The following SLC9A9 variants were observed in gnomAD, a reference collection of about 807,000 sequenced individuals.
The protein encoded by SLC9A9 is solute carrier family 9 member A9, also known as sodium/hydrogen exchanger 9.
SLC9A9 carries 62 observed loss-of-function variants against 77.8 expected under a neutral mutation model. The observed-to-expected ratio is 0.80, with a 90% CI of 0.65 to 0.98. SLC9A9 has a LOEUF of 0.98. SLC9A9 is among the 50% of genes least tolerant of loss of function. The probability of loss-of-function intolerance (pLI) is 0.00; values close to 1 mark genes in which losing one functional copy is unlikely to be tolerated. For synonymous variants in SLC9A9, 320 were observed against 283.5 expected (o/e 1.13, Z -1.29); for missense variants, 775 against 774.9 (o/e 1.00, Z 0.00).
chr3:143,304,151 C>A (rs1201538535), intron 14 of SLC9A9, among the ~76,000 whole-genome samples: 2 of 152,170 alleles, frequency 1.3e-5, no homozygotes, highest in Admixed American at 6.5e-5. Context: ...TCTCTTCCTG[C>A]CACATAACTT....
At chr3:143,658,706 T>A (rs2038933613) in intron 5 of SLC9A9, among the ~76,000 whole-genome samples, 1 of 152,146 alleles carries the variant, frequency 6.6e-6, no homozygotes, top group African/African-American at 2.4e-5. Context: ...TTGAGAATAA[T>A]CAATTGCCTT....
At chr3:143,332,806 A>G (rs1172107237) in intron 14 of SLC9A9, among the ~76,000 whole-genome samples, 1 of 152,170 alleles carries the variant, frequency 6.6e-6, no homozygotes, top group Non-Finnish European at 1.5e-5. Flanking sequence ...ATTTGCTTCC[A>G]TTGGGCCTTT....
intron 9 of SLC9A9, among the ~76,000 whole-genome samples, chr3:143,496,085 A>G (rs192766388): frequency 1.3e-5 from 2 of 152,214 alleles, no homozygotes; most frequent in African/African-American, 4.8e-5. Context: ...TAAAAAGAAA[A>G]TGATTAATCC....
chr3:143,620,005 C>CT (rs1194129347), intron 6 of SLC9A9, among the ~76,000 whole-genome samples: 1 of 152,164 alleles, frequency 6.6e-6, no homozygotes, highest in Non-Finnish European at 1.5e-5. Flanking sequence ...TACCTTCCCA[C>CT]TAAACCCCTT....
chr3:143,803,306 T>A (rs1446498564), intron 2 of SLC9A9, among the ~76,000 whole-genome samples: 4 of 152,202 alleles, frequency 2.6e-5, no homozygotes, highest in African/African-American at 9.7e-5. Flanking sequence ...AATACATCCC[T>A]TCATTCTATT....
intron 4 of SLC9A9, among the ~76,000 whole-genome samples, chr3:143,707,398 AC>A (rs1934013532): frequency 6.6e-6 from 1 of 151,142 alleles, no homozygotes; most frequent in Non-Finnish European, 1.5e-5. Flanking sequence ...ACACACACAC[AC>A]ACCCCAGCTG....
At chr3:143,676,297 C>A (rs1179406521) in intron 5 of SLC9A9, among the ~76,000 whole-genome samples, 31 of 152,222 alleles carry the variant, frequency 2.0e-4, no homozygotes, top group Non-Finnish European at 1.5e-5. Context: ...ATATGTCCTA[C>A]CAATTTCTCT....
intron 5 of SLC9A9, among the ~76,000 whole-genome samples, chr3:143,689,955 C>T (rs2108780002): frequency 6.6e-6 from 1 of 151,682 alleles, no homozygotes; most frequent in South Asian, 2.1e-4. Context: ...TTTTTAGAAT[C>T]CTATATATAA....
intron 5 of SLC9A9, among the ~76,000 whole-genome samples, chr3:143,669,831 G>T (rs2039131112): frequency 6.6e-6 from 1 of 152,122 alleles, no homozygotes; most frequent in African/African-American, 2.4e-5. Context: ...CCCTTCTTCA[G>T]GTTTTTGGAG....
intron 4 of SLC9A9, among the ~76,000 whole-genome samples, chr3:143,772,510 T>G (rs1469249199): frequency 6.6e-6 from 1 of 152,236 alleles, no homozygotes; most frequent in African/African-American, 2.4e-5. Flanking sequence ...AAATCATGTG[T>G]AATTCATCAT....
intron 14 of SLC9A9, among the ~76,000 whole-genome samples, chr3:143,357,936 A>G (rs1414804576): frequency 6.6e-6 from 1 of 152,192 alleles, no homozygotes; most frequent in Non-Finnish European, 1.5e-5. Flanking sequence ...TGCTGTTCAC[A>G]ATATTCATAC....
At chr3:143,594,890 T>G (rs547727627) in intron 6 of SLC9A9, among the ~76,000 whole-genome samples, 2 of 152,326 alleles carry the variant, frequency 1.3e-5, no homozygotes, top group East Asian at 3.9e-4. Context: ...AGGTGGAATG[T>G]TTGGCTTGTT....
At chr3:143,653,006 G>A (rs2038826429) in intron 5 of SLC9A9, among the ~76,000 whole-genome samples, 1 of 152,172 alleles carries the variant, frequency 6.6e-6, no homozygotes, top group Non-Finnish European at 1.5e-5. Context: ...GACACATGGT[G>A]TTAGACCATA....
intron 9 of SLC9A9, chr3:143,504,135 C>G: frequency 2.2e-6 from 1 of 446,224 alleles, no homozygotes; most frequent in South Asian, 1.8e-5. Context: ...CATACTGAAA[C>G]ATGTAGGCCA....
chr3:143,674,388 G>T (rs1021465284), intron 5 of SLC9A9, among the ~76,000 whole-genome samples: 1 of 152,066 alleles, frequency 6.6e-6, no homozygotes, highest in African/African-American at 2.4e-5. Context: ...TTAGTGGAAG[G>T]CTCCTCTTGG....
intron 6 of SLC9A9, among the ~76,000 whole-genome samples, chr3:143,621,844 G>A (rs1180799115): frequency 6.6e-6 from 1 of 152,042 alleles, no homozygotes; most frequent in Admixed American, 6.6e-5. Context: ...TCGAACCCAT[G>A]GCAAAAAAGT....
intron 6 of SLC9A9, among the ~76,000 whole-genome samples, chr3:143,593,607 T>A (rs2037697508): frequency 6.6e-6 from 1 of 152,110 alleles, no homozygotes; most frequent in Non-Finnish European, 1.5e-5. Context: ...GTCATTTACA[T>A]AAATAAAATA....
At chr3:143,688,854 C>T (rs956912433) in intron 5 of SLC9A9, among the ~76,000 whole-genome samples, 6 of 151,940 alleles carry the variant, frequency 3.9e-5, no homozygotes, top group Non-Finnish European at 7.4e-5. Context: ...ACAAAAGATT[C>T]ATATTCCTAA....
intron 6 of SLC9A9, among the ~76,000 whole-genome samples, chr3:143,607,763 A>T (rs903884410): frequency 6.6e-6 from 1 of 151,878 alleles, no homozygotes. Flanking sequence ...AAGCATTTAC[A>T]TTGAAAACAC....
Sources: gnomAD v4.1 joint callset for allele counts (sites outside exome capture counted in the v4.1 genomes callset) on GRCh38, gnomAD v4.1.1 for gene constraint, MANE v1.5 for transcripts, NCBI Gene and HGNC (gene_info 2026-07-23, HGNC 2026-07-21) for gene names.